The following XRCC5 variants were observed in gnomAD, a reference collection of about 807,000 sequenced individuals.
The protein encoded by XRCC5 is DNA repair protein Ku80.
A neutral mutation model predicts 95.7 loss-of-function variants in XRCC5; 12 were observed. The observed-to-expected ratio is 0.13, with a 90% CI of 0.08 to 0.20. The LOEUF (loss-of-function observed/expected upper bound fraction) is 0.20, where lower values mean the gene tolerates loss of function less well. Ranked by LOEUF, XRCC5 falls within the 10% of genes least tolerant of loss-of-function variation. The pLI is 1.00. For synonymous variants in XRCC5, 281 were observed against 290.3 expected (o/e 0.97, Z 0.33); for missense variants, 595 against 873.9 (o/e 0.68, Z 4.02).
chr2:216,139,021 A>G (rs1444380159), intron 12 of XRCC5, among the ~76,000 whole-genome samples: 2 of 152,174 alleles, frequency 1.3e-5, no homozygotes, highest in Non-Finnish European at 2.9e-5. Flanking sequence ...TCTTCCTTCT[A>G]GAAATGAGTC....
intron 10 of XRCC5, among the ~76,000 whole-genome samples, chr2:216,134,170 A>G (rs537172892): frequency 6.6e-6 from 1 of 152,364 alleles, no homozygotes; most frequent in South Asian, 2.1e-4. Flanking sequence ...GTTAAACTAG[A>G]TGAATACTGT....
At chr2:216,205,114 A>G (rs2106057114) in intron 20 of XRCC5, 74 bp from the exon 21 acceptor site, 1 of 1,574,622 alleles carries the variant, frequency 6.4e-7, no homozygotes, top group East Asian at 2.2e-5. Context: ...TTTTCATTAA[A>G]CCCTCTCTCA....
In XRCC5 at chr2:216,125,983, A is replaced by G. The variant is rs752979888; in HGVS notation, c.750A>G (p.Arg250=). ...GGCATTCCATTCACTGGCCCTGCCG[A>G]CTGACCATTGGCTCCAATTTGTCTA... ...IERHSIHWPC[R]LTIGSNLSIR... Residue 250 remains arginine (R), a synonymous_variant, in exon 7 of 21, where the codon CGA becomes CGG. Transcript: ENST00000392132. 6.2e-7 allele frequency: 1 copy of G among 1,614,032 alleles called. No individual in the cohort carries two copies. Among genetic ancestry groups the G allele is most frequent in the Admixed American group, 1.7e-5 (1 of 60,018 alleles).
At chr2:216,130,830 A>G in intron 8 of XRCC5, 45 bp from the exon 9 acceptor site, 1 of 1,338,640 alleles carries the variant, frequency 7.5e-7, no homozygotes, top group African/African-American at 1.5e-5. Flanking sequence ...CTTGTAGAAA[A>G]TGAGGCCCCA....
chr2:216,166,641 A>G (rs1367054488), intron 16 of XRCC5, among the ~76,000 whole-genome samples: 2 of 152,168 alleles, frequency 1.3e-5, no homozygotes, highest in Non-Finnish European at 2.9e-5. Flanking sequence ...GTTGCTAAGG[A>G]GGAATGCCAT....
At chr2:216,157,413 T>C (rs1395182462) in intron 14 of XRCC5, among the ~76,000 whole-genome samples, 1 of 151,866 alleles carries the variant, frequency 6.6e-6, no homozygotes, top group Non-Finnish European at 1.5e-5. Context: ...TTTTGTACTT[T>C]TAATAGAGGT....
Position 216,119,169 on chromosome 2 carries a change from A to C in XRCC5, c.491+4A>C. On this transcript the variant is annotated splice_donor_region_variant and intron_variant, in intron 5 of 20. Coordinates refer to ENST00000392132, the MANE Select transcript of XRCC5 (RefSeq NM_021141.4). ...GTGACATCTCCCTGCAATTCTTGTA[A>C]GATCCTAAGAATAATGCATGTAGAC... The C allele has an allele frequency of 6.2e-7, 1 of 1,613,842 alleles. No homozygotes were observed. Among genetic ancestry groups the C allele is most frequent in the Non-Finnish European group, 8.5e-7 (1 of 1,179,788 alleles).
At chr2:216,147,776 G>A (rs1266895324) in intron 13 of XRCC5, among the ~76,000 whole-genome samples, 1 of 152,074 alleles carries the variant, frequency 6.6e-6, no homozygotes, top group Non-Finnish European at 1.5e-5. Flanking sequence ...GGTATTTTAG[G>A]GAATCTTGTA....
intron 8 of XRCC5, chr2:216,130,577 C>T (rs1204325588): frequency 4.4e-6 from 1 of 227,590 alleles, no homozygotes; most frequent in East Asian, 9.9e-5. Context: ...AGTACGTTAA[C>T]ATTTGCCAGA....
intron 12 of XRCC5, among the ~76,000 whole-genome samples, chr2:216,140,518 A>G (rs1047503944): frequency 6.6e-6 from 1 of 152,152 alleles, no homozygotes; most frequent in Non-Finnish European, 1.5e-5. Flanking sequence ...CTTGTTTTTT[A>G]TTAGTATTAG....
Position 216,130,894 on chromosome 2 carries a change from T to C in XRCC5, c.957T>C (p.Asp319=). 6.2e-7 allele frequency: 1 copy of C among 1,612,334 alleles called. No individual in the cohort carries two copies. Among genetic ancestry groups the C allele is most frequent in the South Asian group, 1.1e-5 (1 of 90,586 alleles). The change falls in exon 9 of 21, where the codon GAT becomes GAC. Residue 319 remains aspartate, a synonymous_variant. Transcript: ENST00000392132. ...DIIQGFRYGS[D]IVPFSKVDEE... is the part of the protein sequence containing the mutation. ...CTCCAGGGTTCCGCTATGGAAGTGA[T>C]ATAGTTCCTTTCTCTAAAGTGGATG...
rs1696823363 is a variant in XRCC5, at chr2:216,122,174, A to G, written c.604A>G (p.Lys202Glu). The G allele has an allele frequency of 6.2e-7, 1 of 1,614,072 alleles. No homozygotes were observed. Among genetic ancestry groups the G allele is most frequent in the East Asian group, 2.2e-5 (1 of 44,898 alleles). ...FPLKGITEQQ[K>E]EGLEIVKMVM... is the part of the protein sequence containing the mutation. Reference sequence around the variant, plus strand: ...ACTAAAAGGAATTACCGAACAGCAAAAAGAAGGTCTTGAGATAGTGAAAAT... The same window carrying G: ...ACTAAAAGGAATTACCGAACAGCAAGAAGAAGGTCTTGAGATAGTGAAAAT... Residue 202 changes from lysine (K) to glutamate (E), a missense_variant, in exon 6 of 21, where the codon AAA becomes GAA. Lys to Glu is a moderately conservative substitution (Grantham distance 56, BLOSUM62 1). Coordinates refer to ENST00000392132, the MANE Select transcript of XRCC5 (RefSeq NM_021141.4).
intron 6 of XRCC5, among the ~76,000 whole-genome samples, chr2:216,125,264 C>T (rs1696883665): frequency 6.6e-6 from 1 of 150,450 alleles, no homozygotes; most frequent in Non-Finnish European, 1.5e-5. Flanking sequence ...ATGGCGCGAT[C>T]TCAGCTCACC....
intron 10 of XRCC5, among the ~76,000 whole-genome samples, chr2:216,135,142 G>A (rs1208081412): frequency 6.6e-6 from 1 of 152,154 alleles, no homozygotes; most frequent in Admixed American, 6.6e-5. Flanking sequence ...GCATGGCTGG[G>A]AGGTCATAGG....
Position 216,157,596 on chromosome 2 carries a change from T to C in XRCC5, c.1671-2472T>C, listed in dbSNP as rs146071035. On this transcript the variant is annotated intron_variant, in intron 14 of 20. Transcript: ENST00000392132. ...ATCACAGTATTTTGTTAATTGTCTA[T>C]ATGTATACTTCAATTTTTATTTGGC... Among the ~76,000 whole-genome samples the C allele has an allele frequency of 3.9e-5, 6 of 152,346 alleles. No individual in the cohort carries two copies. The East Asian group carries it at 7.7e-4, about 20-fold the overall frequency.
chr2:216,116,141 A>G (rs1291123559), intron 2 of XRCC5, among the ~76,000 whole-genome samples: 1 of 152,006 alleles, frequency 6.6e-6, no homozygotes, highest in Non-Finnish European at 1.5e-5. Context: ...CTCCTGTTTG[A>G]TAGTTTGCTT....
At chr2:216,139,780 T>A (rs1420255071) in intron 12 of XRCC5, among the ~76,000 whole-genome samples, 1 of 152,200 alleles carries the variant, frequency 6.6e-6, no homozygotes. Context: ...ACTGTTGGAA[T>A]TATGGGTGTA....
intron 1 of XRCC5, 103 bp downstream of exon 1, chr2:216,109,560 G>C: frequency 6.6e-7 from 1 of 1,520,828 alleles, no homozygotes; most frequent in African/African-American, 1.4e-5. Flanking sequence ...AAAGAATGGG[G>C]CAAGAGAAGA....
At chr2:216,167,444 C>T (rs1317483022) in intron 16 of XRCC5, among the ~76,000 whole-genome samples, 1 of 152,108 alleles carries the variant, frequency 6.6e-6, no homozygotes, top group Non-Finnish European at 1.5e-5. Context: ...TGGTATAGCA[C>T]TATCCCATTT....
Sources: gnomAD v4.1 joint callset for allele counts (sites outside exome capture counted in the v4.1 genomes callset) on GRCh38, gnomAD v4.1.1 for gene constraint, MANE v1.5 for transcripts, NCBI Gene and HGNC (gene_info 2026-07-23, HGNC 2026-07-21) for gene names.